The following TPRG1 variants were observed in gnomAD, a reference collection of about 807,000 sequenced individuals.
TPRG1 encodes tumor protein p63-regulated gene 1 protein.
Under a neutral mutation model 29.3 loss-of-function variants are expected in TPRG1, and 29 were observed. That is an observed-to-expected ratio of 0.99 (90% CI 0.74 to 1.35). The LOEUF (loss-of-function observed/expected upper bound fraction) is 1.35. Among genes scored for constraint, TPRG1 ranks in the 40% most tolerant of loss-of-function variants. The pLI is 0.00. For synonymous variants in TPRG1, 130 were observed against 116.8 expected (o/e 1.11, Z -0.73); for missense variants, 327 against 335.0 (o/e 0.98, Z 0.19).
chr3:189,248,094 GT>G (rs1184334753), intron 4 of TPRG1, among the ~76,000 whole-genome samples: 1 of 151,732 alleles, frequency 6.6e-6, no homozygotes, highest in African/African-American at 2.4e-5. Context: ...TTACTTAGAA[GT>G]TTGGTGTGTT....
intron 4 of TPRG1, among the ~76,000 whole-genome samples, chr3:189,303,639 CT>C (rs1721181858): frequency 6.6e-6 from 1 of 152,198 alleles, no homozygotes; most frequent in African/African-American, 2.4e-5. Flanking sequence ...CTAACTTGGT[CT>C]GTAAACTCAT....
chr3:189,112,070 C>G lies in TPRG1; in HGVS notation c.-744+11866C>G, dbSNP rs573097644. Reference sequence around the variant, plus strand: ...TATTGATATGATCATTTGTTTTTTTCCTTTGTATTCTGTTGATATGATGAA... The same window carrying G: ...TATTGATATGATCATTTGTTTTTTTGCTTTGTATTCTGTTGATATGATGAA... On this transcript the variant is annotated intron_variant, in intron 1 of 6. Transcript: ENST00000412373. 6.6e-5 allele frequency among the ~76,000 whole-genome samples: 10 copies of G among 151,844 alleles called. No homozygotes were observed. The East Asian group carries it at 1.5e-3, about 23-fold the overall frequency.
At chr3:189,214,653 ACT>A (rs1735759960) in intron 2 of TPRG1, among the ~76,000 whole-genome samples, 2 of 151,858 alleles carry the variant, frequency 1.3e-5, no homozygotes, top group South Asian at 4.2e-4. Context: ...TGAATAAAAA[ACT>A]CTGGGTAGAG....
chr3:189,292,871 AT>A (rs1164644282), intron 4 of TPRG1, among the ~76,000 whole-genome samples: 1 of 152,132 alleles, frequency 6.6e-6, no homozygotes, highest in Non-Finnish European at 1.5e-5. Flanking sequence ...GCTAGGAAGC[AT>A]TGTTTAGAAA....
chr3:189,119,066 G>T (rs1051407691), intron 1 of TPRG1, among the ~76,000 whole-genome samples: 1 of 152,208 alleles, frequency 6.6e-6, no homozygotes, highest in Non-Finnish European at 1.5e-5. Flanking sequence ...TGTTAGGGGG[G>T]TTGAGCTTTG....
At chr3:189,218,174 G>A (rs1169994329) in intron 3 of TPRG1, among the ~76,000 whole-genome samples, 2 of 151,902 alleles carry the variant, frequency 1.3e-5, no homozygotes, top group East Asian at 1.9e-4. Context: ...GTGCAGTGGC[G>A]CAATCTCGGC....
At chr3:189,273,127 T>C (rs1466116738) in intron 4 of TPRG1, among the ~76,000 whole-genome samples, 1 of 152,174 alleles carries the variant, frequency 6.6e-6, no homozygotes, top group Admixed American at 6.5e-5. Flanking sequence ...CAGCTCCTCT[T>C]GAAGCTGTCA....
At chr3:189,233,159 A>AGTGTGTGTGT (rs1234383998) in intron 3 of TPRG1, among the ~76,000 whole-genome samples, 119 of 120,346 alleles carry the variant, frequency 9.9e-4, no homozygotes, top group African/African-American at 4.6e-3. Context: ...ACCTCTACTG[A>AGTGTGTGTGT]GTGTGTATGT....
At chr3:189,219,728 C>T (rs1231074164) in intron 3 of TPRG1, 1 of 1,225,574 alleles carries the variant, frequency 8.2e-7, no homozygotes, top group Non-Finnish European at 1.0e-6. Context: ...ATCTTCCCTC[C>T]ACACACGTTA....
chr3:189,069,786 A>G (rs576626817), intron 4 of TPRG1, among the ~76,000 whole-genome samples: 7 of 152,214 alleles, frequency 4.6e-5, no homozygotes, highest in Non-Finnish European at 7.3e-5. Context: ...AGGAACATAC[A>G]TACTATGGAA....
At chr3:189,263,036 C>A (rs1255312047) in intron 4 of TPRG1, among the ~76,000 whole-genome samples, 1 of 152,198 alleles carries the variant, frequency 6.6e-6, no homozygotes, top group African/African-American at 2.4e-5. Context: ...TAACCTAATC[C>A]CAGGAATGAC....
chr3:189,045,267 T>C (rs1296383519), intron 4 of TPRG1, among the ~76,000 whole-genome samples: 2 of 152,232 alleles, frequency 1.3e-5, no homozygotes, highest in Non-Finnish European at 2.9e-5. Flanking sequence ...AGTAACACTC[T>C]ATTGCAAAAA....
chr3:189,089,578 G>C (rs1718201084), intron 4 of TPRG1, among the ~76,000 whole-genome samples: 2 of 152,130 alleles, frequency 1.3e-5, no homozygotes, highest in African/African-American at 2.4e-5. Flanking sequence ...ATCTGGTGAG[G>C]CCCTCCTTGC....
intron 3 of TPRG1, among the ~76,000 whole-genome samples, chr3:189,224,101 A>G (rs951291473): frequency 1.2e-4 from 18 of 152,250 alleles, no homozygotes; most frequent in African/African-American, 4.3e-4. Context: ...ACGGGAACAT[A>G]AAACTCACTG....
chr3:189,080,687 A>G (rs1457718793), intron 4 of TPRG1, among the ~76,000 whole-genome samples: 1 of 152,196 alleles, frequency 6.6e-6, no homozygotes, highest in East Asian at 1.9e-4. Flanking sequence ...AGAATGAGGC[A>G]TTTGGGAAAA....
chr3:189,312,867 TG>T (rs1335154398), intron 5 of TPRG1, among the ~76,000 whole-genome samples: 5 of 152,228 alleles, frequency 3.3e-5, no homozygotes, highest in Non-Finnish European at 2.9e-5. Context: ...AGGAAATTGA[TG>T]TTCATGTAGC....
chr3:189,084,151 CA>C (rs1274088612), intron 4 of TPRG1, among the ~76,000 whole-genome samples: 10 of 136,952 alleles, frequency 7.3e-5, no homozygotes, highest in South Asian at 2.3e-4. Flanking sequence ...ACTCCGTCTC[CA>C]AAAAAAAAAG....
intron 1 of TPRG1, among the ~76,000 whole-genome samples, chr3:189,107,210 G>C (rs1006887997): frequency 2.0e-5 from 3 of 152,064 alleles, no homozygotes; most frequent in African/African-American, 7.2e-5. Context: ...CTATTATATA[G>C]GGGAATGTGA....
intron 1 of TPRG1, chr3:189,191,028 G>GTAAATAGACA: frequency 5.1e-6 from 5 of 981,388 alleles, no homozygotes; most frequent in Non-Finnish European, 6.1e-6. Flanking sequence ...TGTCTATTCT[G>GTAAATAGACA]GCTAATTTTG....
Sources: gnomAD v4.1 joint callset for allele counts (sites outside exome capture counted in the v4.1 genomes callset) on GRCh38, gnomAD v4.1.1 for gene constraint, MANE v1.5 for transcripts, NCBI Gene and HGNC (gene_info 2026-07-23, HGNC 2026-07-21) for gene names.